The following EDA variants were observed in gnomAD, a reference collection of about 807,000 sequenced individuals.
The protein encoded by EDA is ectodysplasin-A.
Under a neutral mutation model 23.6 loss-of-function variants are expected in EDA, and 2 were observed. The ratio of observed to expected loss-of-function variants is 0.08; its 90% CI spans 0.03 to 0.27. The LOEUF is 0.27. EDA is among the 10% of genes least tolerant of loss of function. EDA has a pLI of 1.00. For synonymous variants in EDA, 131 were observed against 132.0 expected (o/e 0.99, Z 0.05); for missense variants, 229 against 324.2 (o/e 0.71, Z 2.26).
chrX:70,006,003 A>G (rs986309629), intron 2 of EDA, among the ~76,000 whole-genome samples: 15 of 112,067 alleles, frequency 1.3e-4, no homozygotes, highest in African/African-American at 4.9e-4. Flanking sequence ...TCTTTCACTT[A>G]GCAATATGCA....
chrX:69,815,995 G>T (rs552744157), intron 1 of EDA, among the ~76,000 whole-genome samples: 2 of 111,540 alleles, frequency 1.8e-5, no homozygotes, highest in South Asian at 7.7e-4. Context: ...GAGGAAGGGG[G>T]TGGCTGCTGT....
At chrX:69,743,401 T>C (rs1234417100) in intron 1 of EDA, among the ~76,000 whole-genome samples, 6 of 112,111 alleles carry the variant, frequency 5.4e-5, no homozygotes, top group Non-Finnish European at 1.1e-4. Flanking sequence ...TGGTTTTTTG[T>C]ATGTGTGAAC....
At chrX:69,961,025 GAAA>G (rs869149209) in intron 2 of EDA, among the ~76,000 whole-genome samples, 2 of 84,069 alleles carry the variant, frequency 2.4e-5, no homozygotes, top group African/African-American at 8.9e-5. Flanking sequence ...TCCAAAAAAA[GAAA>G]AAAAAAGAAA....
At chrX:69,904,561 G>A (rs1344072432) in intron 1 of EDA, among the ~76,000 whole-genome samples, 1 of 111,530 alleles carries the variant, frequency 9.0e-6, no homozygotes, top group Non-Finnish European at 1.9e-5. Flanking sequence ...ATTTGCCCAG[G>A]CTGGTCTCAA....
intron 1 of EDA, among the ~76,000 whole-genome samples, chrX:69,827,063 A>G (rs1339407189): frequency 9.8e-5 from 11 of 111,872 alleles, no homozygotes; most frequent in African/African-American, 3.3e-4. Flanking sequence ...TTCTGCCGAG[A>G]GATCCGTTGT....
At chrX:69,931,309 A>T (rs2018594882) in intron 1 of EDA, among the ~76,000 whole-genome samples, 1 of 112,052 alleles carries the variant, frequency 8.9e-6, no homozygotes. Flanking sequence ...CACTTATCTG[A>T]TAAAGAACTG....
At chrX:69,688,066 C>T (rs1934599705) in intron 1 of EDA, among the ~76,000 whole-genome samples, 1 of 111,426 alleles carries the variant, frequency 9.0e-6, no homozygotes, top group Non-Finnish European at 1.9e-5. Context: ...TCTTCACAGA[C>T]TTATCAAGGG....
rs1277425149 is a variant in EDA at position 69,642,643 on chromosome X, A to G, written c.396+25939A>G. Reference sequence around the variant, plus strand: ...TTATTTTCTTTGTGCTATGATATACACTGTAAAAATCTTGCCTCATTTACT... The same window carrying G: ...TTATTTTCTTTGTGCTATGATATACGCTGTAAAAATCTTGCCTCATTTACT... On this transcript the variant is annotated intron_variant, in intron 1 of 7. Coordinates refer to ENST00000374552, the MANE Select transcript of EDA (RefSeq NM_001399.5). Among the ~76,000 whole-genome samples the G allele has an allele frequency of 1.8e-5, 2 of 111,600 alleles. 1 individual carries two copies. The highest frequency in any genetic ancestry group is 3.8e-5 in the Non-Finnish European group (2 of 53,048).
chrX:69,965,866 G>A (rs760549202), intron 2 of EDA, among the ~76,000 whole-genome samples: 8 of 111,916 alleles, frequency 7.1e-5, no homozygotes, highest in Admixed American at 1.9e-4. Context: ...GGACAACATA[G>A]TGAGACTGCA....
chrX:69,987,286 AAT>A (rs1261703358), intron 2 of EDA, among the ~76,000 whole-genome samples: 1 of 103,402 alleles, frequency 9.7e-6, no homozygotes, highest in African/African-American at 3.8e-5. Flanking sequence ...AAAAAAAAAA[AAT>A]TAAAAAAAAA....
chrX:69,775,677 A>G (rs2014760072), intron 1 of EDA, among the ~76,000 whole-genome samples: 1 of 112,180 alleles, frequency 8.9e-6, no homozygotes, highest in Non-Finnish European at 1.9e-5. Flanking sequence ...TTATAAGTCC[A>G]ATTTTTATCA....
At chrX:69,740,531 C>G (rs1411137046) in intron 1 of EDA, among the ~76,000 whole-genome samples, 1 of 110,832 alleles carries the variant, frequency 9.0e-6, no homozygotes, top group African/African-American at 3.3e-5. Context: ...CTATTGGGTT[C>G]CCTTGTATGT....
chrX:69,855,945 G>A (rs1489207183), intron 1 of EDA, among the ~76,000 whole-genome samples: 9 of 109,829 alleles, frequency 8.2e-5, no homozygotes, highest in East Asian at 2.9e-4. Flanking sequence ...GTTTGGTTAC[G>A]TGGATAAGTC....
intron 1 of EDA, among the ~76,000 whole-genome samples, chrX:69,694,559 G>A (rs1408849580): frequency 9.0e-6 from 1 of 111,670 alleles, no homozygotes; most frequent in African/African-American, 3.2e-5. Context: ...AACACTTTAG[G>A]CTTATAGTTG....
intron 1 of EDA, among the ~76,000 whole-genome samples, chrX:69,836,017 C>T (rs1234559949): frequency 8.9e-6 from 1 of 111,946 alleles, no homozygotes; most frequent in African/African-American, 3.2e-5. Context: ...CACTCCAGAC[C>T]CTGTGTGCCT....
chrX:69,836,668 C>T (rs937564318), intron 1 of EDA, among the ~76,000 whole-genome samples: 4 of 112,414 alleles, frequency 3.6e-5, no homozygotes, highest in African/African-American at 6.5e-5. Flanking sequence ...AAAGGGAAAT[C>T]CCCCAACTCT....
intron 1 of EDA, among the ~76,000 whole-genome samples, chrX:69,815,562 C>G (rs2016061454): frequency 8.9e-6 from 1 of 111,945 alleles, no homozygotes; most frequent in African/African-American, 3.2e-5. Flanking sequence ...GCTGCCTTGC[C>G]AGATCTTGGC....
intron 2 of EDA, among the ~76,000 whole-genome samples, chrX:70,002,299 T>G (rs187860963): frequency 9.0e-6 from 1 of 110,620 alleles, no homozygotes; most frequent in Admixed American, 9.6e-5. Flanking sequence ...ACCTAGTTTT[T>G]TTTTCAAAGG....
chrX:69,679,553 G>T (rs923599989), intron 1 of EDA, among the ~76,000 whole-genome samples: 44 of 111,718 alleles, frequency 3.9e-4, no homozygotes, highest in African/African-American at 1.4e-3. Flanking sequence ...TCTTGGGAGG[G>T]TGTATGTGTA....
Sources: gnomAD v4.1 joint callset for allele counts (sites outside exome capture counted in the v4.1 genomes callset) on GRCh38, gnomAD v4.1.1 for gene constraint, MANE v1.5 for transcripts, NCBI Gene and HGNC (gene_info 2026-07-23, HGNC 2026-07-21) for gene names.